THSD7B: variants seen among roughly 807,000 people sequenced by gnomAD.
The protein encoded by THSD7B is thrombospondin type 1 domain containing 7B.
In THSD7B, 138 loss-of-function variants were observed where a neutral mutation model predicts 213.6. The ratio of observed to expected loss-of-function variants is 0.65; its 90% CI spans 0.56 to 0.74. The LOEUF is 0.74. Among genes scored for constraint, THSD7B ranks in the 30% least tolerant of loss-of-function variants. The pLI is 0.00. For missense variants in THSD7B, 1,931 were observed against 1,991.5 expected, an observed-to-expected ratio of 0.97 and a Z score of 0.58; for synonymous variants, 742 against 687.0, an observed-to-expected ratio of 1.08 and a Z score of -1.25.
chr2:137,002,003 A>T (rs1686009101), intron 2 of THSD7B, among the ~76,000 whole-genome samples: 1 of 151,638 alleles, frequency 6.6e-6, no homozygotes. Context: ...ACAGGACCCT[A>T]TTTTCTTTCC....
chr2:136,848,425 C>A (rs945425272), intron 1 of THSD7B, among the ~76,000 whole-genome samples: 1 of 151,912 alleles, frequency 6.6e-6, no homozygotes, highest in Non-Finnish European at 1.5e-5. Context: ...GTCCAGAGAC[C>A]ACATTCTGAC....
At chr2:137,404,496 C>CAG (rs1686460339) in intron 12 of THSD7B, among the ~76,000 whole-genome samples, 1 of 140,536 alleles carries the variant, frequency 7.1e-6, no homozygotes, top group Admixed American at 7.2e-5. Flanking sequence ...CACACACACA[C>CAG]ACACACACAC....
At chr2:136,959,469 A>G (rs1206991557) in intron 2 of THSD7B, among the ~76,000 whole-genome samples, 1 of 152,206 alleles carries the variant, frequency 6.6e-6, no homozygotes, top group Non-Finnish European at 1.5e-5. Flanking sequence ...TTTTGCCCCT[A>G]AAAACAGGTT....
rs56899750 is a variant in THSD7B at position 137,026,215 on chromosome 2, A to G, written c.140-30205A>G. Among the ~76,000 whole-genome samples the G allele has an allele frequency of 2.6e-5, 4 of 152,210 alleles. No homozygotes were observed. In the East Asian group the frequency reaches 7.7e-4, roughly 29 times the overall value. ...CAGCAGTCCAGGGCCAGCGGTGGAG[A>G]CTTTGGGACAGGGAATATGAAGATT... On this transcript the variant is annotated intron_variant, in intron 2 of 27. Coordinates refer to ENST00000409968, the MANE Select transcript of THSD7B (RefSeq NM_001316349.2).
At chr2:137,583,368 T>G (rs112644056) in intron 17 of THSD7B, among the ~76,000 whole-genome samples, 32,879 of 152,118 alleles carry the variant, frequency 0.22, 3,710 homozygotes, top group Middle Eastern at 0.32. Context: ...CAATTTTGGC[T>G]TTTGTTGCCG....
chr2:137,448,818 C>T (rs1402033139), intron 14 of THSD7B, among the ~76,000 whole-genome samples: 1 of 150,672 alleles, frequency 6.6e-6, no homozygotes. Flanking sequence ...ACAACAACAA[C>T]AACAACAACA....
rs563642897 is a variant in THSD7B, at chr2:137,604,320, T to C, written c.3424-11855T>C. On this transcript the variant is annotated intron_variant, in intron 17 of 27. Transcript: ENST00000409968. ...CTCTCTTTGAGCTATGTGATATATG[T>C]CTTTACTGTCAATAATATTTCGTTA... is the stretch of plus-strand genomic sequence containing the variant. Among the ~76,000 whole-genome samples the C allele has an allele frequency of 1.6e-3, 248 of 152,276 alleles. 1 individual carries two copies. The highest frequency in any genetic ancestry group is 6.8e-3 in the Middle Eastern group (2 of 294).
At chr2:137,508,124 A>G (rs1333199909) in intron 15 of THSD7B, among the ~76,000 whole-genome samples, 2 of 152,376 alleles carry the variant, frequency 1.3e-5, no homozygotes, top group East Asian at 3.9e-4. Context: ...AAGTACCTTA[A>G]AGTGTTACTT....
intron 1 of THSD7B, among the ~76,000 whole-genome samples, chr2:136,773,961 A>G (rs1681556887): frequency 6.6e-6 from 1 of 151,878 alleles, no homozygotes. Context: ...TCAGATAGGA[A>G]GATTTCTCTC....
chr2:136,816,095 G>C (rs1373950447), intron 1 of THSD7B, among the ~76,000 whole-genome samples: 1 of 152,112 alleles, frequency 6.6e-6, no homozygotes, highest in African/African-American at 2.4e-5. Flanking sequence ...ATGTTGCCCA[G>C]GCTAGTCTCA....
chr2:136,776,270 T>C (rs770134898), intron 1 of THSD7B, among the ~76,000 whole-genome samples: 6 of 152,182 alleles, frequency 3.9e-5, no homozygotes, highest in Non-Finnish European at 8.8e-5. Context: ...TATATGCTGG[T>C]CTTAAATGCA....
chr2:137,401,792 C>T (rs1025236563), intron 12 of THSD7B, among the ~76,000 whole-genome samples: 5 of 151,998 alleles, frequency 3.3e-5, no homozygotes, highest in Admixed American at 3.3e-4. Flanking sequence ...ACCCAAATGC[C>T]TCCATTAAAC....
chr2:137,310,854 A>G (rs1222587729), intron 12 of THSD7B, among the ~76,000 whole-genome samples: 1 of 152,050 alleles, frequency 6.6e-6, no homozygotes, highest in Non-Finnish European at 1.5e-5. Flanking sequence ...GTTCCCTTCC[A>G]TTGATCTATA....
rs553107307 is a variant in THSD7B at position 137,599,287 on chromosome 2, T to C, written c.3424-16888T>C. On this transcript the variant is annotated intron_variant, in intron 17 of 27. Coordinates refer to ENST00000409968, the MANE Select transcript of THSD7B (RefSeq NM_001316349.2). ...TTTTCTTAATCCAGTCTATCATTGT[T>C]GGACATTTGGGTTGGTTCCAAGTCT... 7.9e-4 allele frequency among the ~76,000 whole-genome samples: 120 copies of C among 152,194 alleles called. 2 individuals are homozygous for C. In the South Asian group the frequency reaches 0.021, roughly 27 times the overall value.
At chr2:137,485,579 A>G (rs888970700) in intron 15 of THSD7B, among the ~76,000 whole-genome samples, 5 of 152,160 alleles carry the variant, frequency 3.3e-5, no homozygotes, top group African/African-American at 1.2e-4. Flanking sequence ...ACTCTGCAGG[A>G]TATTATCCAG....
rs1003524157 is a variant in THSD7B at position 136,898,711 on chromosome 2, C to T, written c.139+16394C>T. On this transcript the variant is annotated intron_variant, in intron 2 of 27. Transcript: ENST00000409968. ...AGGCTGGAGTGCAGTGGCATGATCT[C>T]GGCTCATTGCAACCTCCGCCTCCCA... Among the ~76,000 whole-genome samples the T allele has an allele frequency of 6.7e-5, 10 of 150,134 alleles. No homozygotes were observed. In the East Asian group the frequency reaches 1.8e-3, roughly 27 times the overall value.
chr2:137,567,368 C>T (rs1363765625), intron 16 of THSD7B, among the ~76,000 whole-genome samples: 3 of 151,844 alleles, frequency 2.0e-5, no homozygotes, highest in Non-Finnish European at 1.5e-5. Flanking sequence ...AGTTTCACCA[C>T]GTTGGCCAGG....
chr2:137,177,708 G>A (rs1303421702), intron 7 of THSD7B, among the ~76,000 whole-genome samples: 1 of 152,190 alleles, frequency 6.6e-6, no homozygotes, highest in African/African-American at 2.4e-5. Context: ...GCTTCATAAT[G>A]TTAGCATATA....
intron 2 of THSD7B, among the ~76,000 whole-genome samples, chr2:137,037,511 C>T (rs80061691): frequency 6.9e-6 from 1 of 144,442 alleles, no homozygotes; most frequent in Non-Finnish European, 1.5e-5. Flanking sequence ...GTATATTTTT[C>T]CATGTAAATG....
Sources: gnomAD v4.1 joint callset for allele counts (sites outside exome capture counted in the v4.1 genomes callset) on GRCh38, gnomAD v4.1.1 for gene constraint, MANE v1.5 for transcripts, NCBI Gene and HGNC (gene_info 2026-07-23, HGNC 2026-07-21) for gene names.